KIAA1958: variants seen among roughly 807,000 people sequenced by gnomAD.
KIAA1958 encodes KIAA1958, also known as uncharacterized protein KIAA1958.
A neutral mutation model predicts 47.2 loss-of-function variants in KIAA1958; 14 were observed. That is an observed-to-expected ratio of 0.30 (90% CI 0.20 to 0.46). KIAA1958 has a LOEUF of 0.46. KIAA1958 is among the 20% of genes least tolerant of loss of function. KIAA1958 has a pLI of 1.00. For synonymous variants in KIAA1958, 354 were observed against 353.3 expected, an observed-to-expected ratio of 1.00 and a Z score of -0.02; for missense variants, 803 against 909.2, an observed-to-expected ratio of 0.88 and a Z score of 1.50.
chr9:112,631,115 A>G (rs1445813769), intron 2 of KIAA1958, among the ~76,000 whole-genome samples: 1 of 152,250 alleles, frequency 6.6e-6, no homozygotes, highest in Non-Finnish European at 1.5e-5. Context: ...TGATGTGACT[A>G]AAATGGCTAA....
At chr9:112,554,172 A>G (rs1003373142) in intron 1 of KIAA1958, among the ~76,000 whole-genome samples, 3 of 152,174 alleles carry the variant, frequency 2.0e-5, no homozygotes, top group Non-Finnish European at 4.4e-5. Context: ...CCGTGAATAT[A>G]AAAAGATGTT....
intron 1 of KIAA1958, among the ~76,000 whole-genome samples, chr9:112,549,099 A>T (rs996031932): frequency 6.6e-6 from 1 of 152,262 alleles, no homozygotes; most frequent in African/African-American, 2.4e-5. Context: ...CTAGCAAGCT[A>T]TATAAACATA....
Position 112,522,397 on chromosome 9 carries a change from G to C in KIAA1958, c.-25+35279G>C, listed in dbSNP as rs114817162. Among the ~76,000 whole-genome samples, 779 of 152,288 alleles carry C rather than the reference G, an allele frequency of 5.1e-3. 7 individuals are homozygous for C. Among genetic ancestry groups the C allele is most frequent in the African/African-American group, 0.018 (747 of 41,558 alleles). ...CTAATACTCCAGCAATAGTCACCCA[G>C]GTTTCACCTTGTCCTGTTTAATATC... On this transcript the variant is annotated intron_variant, in intron 1 of 3. Coordinates refer to ENST00000337530, the MANE Select transcript of KIAA1958 (RefSeq NM_133465.4).
chr9:112,592,487 A>G (rs910568427), intron 2 of KIAA1958, among the ~76,000 whole-genome samples: 6 of 152,184 alleles, frequency 3.9e-5, no homozygotes, highest in African/African-American at 1.2e-4. Flanking sequence ...CAGTTTCATC[A>G]TTTATAAAAC....
chr9:112,552,204 G>T (rs1037632013), intron 1 of KIAA1958, among the ~76,000 whole-genome samples: 2 of 152,194 alleles, frequency 1.3e-5, no homozygotes, highest in African/African-American at 2.4e-5. Context: ...ATCTGTTAGA[G>T]AATTTAGTTC....
intron 1 of KIAA1958, among the ~76,000 whole-genome samples, chr9:112,572,894 C>T (rs915850479): frequency 2.0e-5 from 3 of 152,240 alleles, no homozygotes; most frequent in African/African-American, 7.2e-5. Flanking sequence ...GCTCAGGTGT[C>T]TGTCCACTTT....
At chr9:112,634,744 A>G (rs373728303) in intron 2 of KIAA1958, among the ~76,000 whole-genome samples, 2 of 152,176 alleles carry the variant, frequency 1.3e-5, no homozygotes, top group Non-Finnish European at 2.9e-5. Flanking sequence ...CTGCATTGTG[A>G]TAAATGTCTG....
intron 3 of KIAA1958, among the ~76,000 whole-genome samples, chr9:112,650,013 CAA>C (rs1182196624): frequency 6.6e-6 from 1 of 150,880 alleles, no homozygotes; most frequent in Non-Finnish European, 1.5e-5. Context: ...AAAACCATAA[CAA>C]GATAAAATGG....
chr9:112,507,629 CCTGAGCGACTCA>C (rs1403842623), intron 1 of KIAA1958, among the ~76,000 whole-genome samples: 1 of 152,020 alleles, frequency 6.6e-6, no homozygotes, highest in African/African-American at 2.4e-5. Flanking sequence ...GATTACAGGC[CCTGAGCGACTCA>C]CTGTGCCTGG....
At chr9:112,611,289 C>T (rs145782323) in intron 2 of KIAA1958, among the ~76,000 whole-genome samples, 2 of 152,122 alleles carry the variant, frequency 1.3e-5, no homozygotes, top group Non-Finnish European at 2.9e-5. Flanking sequence ...GATAAAATTA[C>T]CATTTTTGCA....
At chr9:112,599,962 C>T (rs1836101619) in intron 2 of KIAA1958, among the ~76,000 whole-genome samples, 1 of 152,180 alleles carries the variant, frequency 6.6e-6, no homozygotes. Flanking sequence ...GTAGAAAAGT[C>T]CACAGCATGA....
At chr9:112,577,072 G>A (rs974412918) in intron 2 of KIAA1958, among the ~76,000 whole-genome samples, 2 of 152,032 alleles carry the variant, frequency 1.3e-5, no homozygotes, top group African/African-American at 4.8e-5. Context: ...TCTTATTGGG[G>A]TTTTGATTTG....
At chr9:112,491,323 T>TA (rs1047337114) in intron 1 of KIAA1958, among the ~76,000 whole-genome samples, 3 of 152,200 alleles carry the variant, frequency 2.0e-5, no homozygotes, top group African/African-American at 7.2e-5. Context: ...TTAAAAACAT[T>TA]AAAAATCTTA....
At chr9:112,487,633 C>T (rs1833884898) in intron 1 of KIAA1958, among the ~76,000 whole-genome samples, 1 of 152,114 alleles carries the variant, frequency 6.6e-6, no homozygotes, top group Admixed American at 6.5e-5. Context: ...GCGTTTGGGG[C>T]GTGTGTGAAG....
At chr9:112,659,019 CAAAAAAAAAAAAAA>C (rs560013892) in intron 3 of KIAA1958, among the ~76,000 whole-genome samples, 1 of 57,758 alleles carries the variant, frequency 1.7e-5, no homozygotes, top group East Asian at 4.1e-4. Flanking sequence ...GACTCTGACT[CAAAAAAAAAAAAAA>C]AAAAAAAAAA....
chr9:112,612,047 TA>T (rs11345375), intron 2 of KIAA1958, among the ~76,000 whole-genome samples: 130,250 of 151,682 alleles, frequency 0.86, 56,190 homozygotes, highest in African/African-American at 0.92. Flanking sequence ...AAATATATAT[TA>T]AAAAATGTTT....
chr9:112,585,934 T>C (rs1835816004), intron 2 of KIAA1958, among the ~76,000 whole-genome samples: 1 of 152,182 alleles, frequency 6.6e-6, no homozygotes, highest in African/African-American at 2.4e-5. Flanking sequence ...ATCCAACAAA[T>C]ACCCATTGGA....
At chr9:112,635,830 T>A (rs1178793913) in intron 2 of KIAA1958, among the ~76,000 whole-genome samples, 1 of 152,002 alleles carries the variant, frequency 6.6e-6, no homozygotes, top group Non-Finnish European at 1.5e-5. Context: ...TTACTTTTTA[T>A]TATAAATTTC....
At chr9:112,624,497 T>G (rs897244567) in intron 2 of KIAA1958, among the ~76,000 whole-genome samples, 12 of 152,242 alleles carry the variant, frequency 7.9e-5, no homozygotes, top group African/African-American at 2.9e-4. Context: ...CAGATATCAT[T>G]CTTTTGGGAG....
Sources: gnomAD v4.1 joint callset for allele counts (sites outside exome capture counted in the v4.1 genomes callset) on GRCh38, gnomAD v4.1.1 for gene constraint, MANE v1.5 for transcripts, NCBI Gene and HGNC (gene_info 2026-07-23, HGNC 2026-07-21) for gene names.